The following UBE4B variants were observed in gnomAD, a reference collection of about 807,000 sequenced individuals.
The protein encoded by UBE4B is ubiquitin conjugation factor E4 B.
Under a neutral mutation model 148.1 loss-of-function variants are expected in UBE4B, and 27 were observed. That is an observed-to-expected ratio of 0.18 (90% CI 0.13 to 0.25). The LOEUF is 0.25. Ranked by LOEUF, UBE4B falls within the 10% of genes least tolerant of loss-of-function variation. UBE4B has a pLI of 1.00. For synonymous variants in UBE4B, 596 were observed against 619.3 expected (o/e 0.96, Z 0.56); for missense variants, 1,170 against 1,662.4 (o/e 0.70, Z 5.15).
At chr1:10,054,964 T>C (rs755801970) in intron 1 of UBE4B, among the ~76,000 whole-genome samples, 7 of 151,956 alleles carry the variant, frequency 4.6e-5, no homozygotes, top group Non-Finnish European at 7.4e-5. Flanking sequence ...TTTTGTATTT[T>C]TAATAGAGAT....
chr1:10,033,678 A>T lies in UBE4B; in HGVS notation c.8A>T (p.Glu3Val). The change falls in exon 1 of 28, where the codon GAG (glutamate) becomes GTG (valine). Residue 3 changes from glutamate to valine, a missense_variant. Glu to Val is a moderately radical substitution (Grantham distance 121). Transcript: ENST00000343090. The part of the protein sequence containing the change: ME[E>V]LSADEIRRRR... ...ACCATTAAGAGGAAAGCGATGGAGG[A>T]GCTGAGCGCTGATGAGGTGAGGAGG... is the stretch of plus-strand genomic sequence containing the variant. 1.9e-6 allele frequency: 3 copies of T among 1,570,476 alleles called. No individual in the cohort carries two copies. Among genetic ancestry groups the T allele is most frequent in the Non-Finnish European group, 2.6e-6 (3 of 1,159,330 alleles).
At chr1:10,178,494 A>C in intron 25 of UBE4B, 150 bp from the exon 26 acceptor site, 1 of 663,088 alleles carries the variant, frequency 1.5e-6, no homozygotes. Context: ...ATAAAGACGG[A>C]TATATAAAAT....
chr1:10,050,491 G>A (rs907662652), intron 1 of UBE4B, among the ~76,000 whole-genome samples: 1 of 152,144 alleles, frequency 6.6e-6, no homozygotes, highest in Non-Finnish European at 1.5e-5. Flanking sequence ...TTGGAGGAAC[G>A]GGAAAGGGGT....
intron 21 of UBE4B, among the ~76,000 whole-genome samples, chr1:10,156,069 G>A (rs977438162): frequency 6.6e-6 from 1 of 151,626 alleles, no homozygotes; most frequent in African/African-American, 2.4e-5. Flanking sequence ...AGAATACCTG[G>A]GGGGAGGAGG....
chr1:10,153,026 C>T (rs562091837), intron 21 of UBE4B, among the ~76,000 whole-genome samples: 4 of 151,714 alleles, frequency 2.6e-5, no homozygotes, highest in South Asian at 4.2e-4. Context: ...TCTGGGGGTA[C>T]GAGACAAAGC....
At chr1:10,036,041 G>A (rs1243883988) in intron 1 of UBE4B, among the ~76,000 whole-genome samples, 1 of 151,368 alleles carries the variant, frequency 6.6e-6, no homozygotes, top group Non-Finnish European at 1.5e-5. Context: ...ACCGCGCCCG[G>A]CCGAGGTAGT....
chr1:10,145,967 A>G (rs965147367), intron 18 of UBE4B, among the ~76,000 whole-genome samples: 1 of 152,188 alleles, frequency 6.6e-6, no homozygotes, highest in African/African-American at 2.4e-5. Flanking sequence ...TTAGCTGGTC[A>G]TGCATTCTGT....
chr1:10,116,650 A>G (rs906612162), intron 7 of UBE4B, among the ~76,000 whole-genome samples: 3 of 152,160 alleles, frequency 2.0e-5, no homozygotes, highest in Admixed American at 2.0e-4. Flanking sequence ...AATGTCCTCA[A>G]ATTTAACCCT....
At chr1:10,176,652 C>A (rs1265413087) in intron 25 of UBE4B, among the ~76,000 whole-genome samples, 1 of 152,098 alleles carries the variant, frequency 6.6e-6, no homozygotes, top group Non-Finnish European at 1.5e-5. Flanking sequence ...TACCATTGGA[C>A]ACCTTTTCAT....
intron 25 of UBE4B, among the ~76,000 whole-genome samples, chr1:10,175,419 A>C (rs1487061195): frequency 6.6e-6 from 1 of 152,080 alleles, no homozygotes; most frequent in East Asian, 1.9e-4. Flanking sequence ...TGGGAGGCCA[A>C]GGCGGGCGGA....
intron 1 of UBE4B, among the ~76,000 whole-genome samples, chr1:10,045,454 C>G (rs1410144483): frequency 1.3e-5 from 2 of 151,922 alleles, no homozygotes; most frequent in East Asian, 1.9e-4. Context: ...CAACTCTGTC[C>G]TTGTCTGTTG....
At chr1:10,135,470 G>C (rs1645664475) in intron 16 of UBE4B, among the ~76,000 whole-genome samples, 2 of 152,098 alleles carry the variant, frequency 1.3e-5, no homozygotes, top group South Asian at 2.1e-4. Context: ...TGGGCATGGT[G>C]GCACACGCCT....
chr1:10,052,551 C>T (rs1309142731), intron 1 of UBE4B, among the ~76,000 whole-genome samples: 1 of 152,208 alleles, frequency 6.6e-6, no homozygotes, highest in South Asian at 2.1e-4. Context: ...TGTGTCTATA[C>T]TTGTCACCAG....
At chr1:10,044,565 C>T (rs1480388453) in intron 1 of UBE4B, among the ~76,000 whole-genome samples, 1 of 151,592 alleles carries the variant, frequency 6.6e-6, no homozygotes, top group Non-Finnish European at 1.5e-5. Context: ...TCCTTCCTTC[C>T]TTCCTTCCCT....
At chr1:10,146,718 C>G (rs1030681913) in intron 18 of UBE4B, among the ~76,000 whole-genome samples, 2 of 152,060 alleles carry the variant, frequency 1.3e-5, no homozygotes, top group Admixed American at 6.6e-5. Context: ...TGTTGGAACT[C>G]AACATTTTGA....
At chr1:10,166,941 T>TCACACACA (rs559608777) in intron 23 of UBE4B, among the ~76,000 whole-genome samples, 5 of 131,302 alleles carry the variant, frequency 3.8e-5, no homozygotes, top group East Asian at 2.3e-4. Context: ...AATAAATAAA[T>TCACACACA]CACACACACA....
At chr1:10,091,594 G>A (rs1644848611) in intron 2 of UBE4B, among the ~76,000 whole-genome samples, 1 of 151,920 alleles carries the variant, frequency 6.6e-6, no homozygotes, top group South Asian at 2.1e-4. Flanking sequence ...ACAGGTGCAT[G>A]CCACCATGCC....
intron 1 of UBE4B, among the ~76,000 whole-genome samples, chr1:10,057,603 G>A (rs754564252): frequency 6.6e-6 from 1 of 150,766 alleles, no homozygotes; most frequent in African/African-American, 2.4e-5. Context: ...ATGGAGTCTT[G>A]CTGTGTTCCC....
rs1358310783 is a variant in UBE4B at position 10,033,715 on chromosome 1, C to G, written c.24+21C>G. The G allele has an allele frequency of 3.9e-6, 6 of 1,550,940 alleles. No individual in the cohort carries two copies. In the African/African-American group the frequency reaches 8.4e-5, roughly 22 times the overall value. On this transcript the variant is annotated intron_variant, in intron 1 of 27. Coordinates refer to ENST00000343090, the MANE Select transcript of UBE4B (RefSeq NM_001105562.3). The stretch of plus-strand genomic sequence containing the variant: ...ATGAGGTGAGGAGGTTGGGGGACAC[C>G]TTGAGGGATTAGTTGGCAACTCGTT...
Sources: allele counts gnomAD v4.1 joint callset (sites outside exome capture counted in the v4.1 genomes callset), GRCh38; gene constraint gnomAD v4.1.1; transcripts MANE v1.5; gene names NCBI Gene and HGNC (gene_info 2026-07-23, HGNC 2026-07-21).